Variants in TRA2A observed in about 807,000 individuals in gnomAD.
TRA2A encodes the protein transformer 2 alpha homolog.
TRA2A carries 31 observed loss-of-function variants against 45.7 expected under a neutral mutation model. That is an observed-to-expected ratio of 0.68 (90% confidence interval 0.51 to 0.92). The LOEUF is 0.92. Among genes scored for constraint, TRA2A ranks in the 40% least tolerant of loss-of-function variants. The pLI, the probability that TRA2A is intolerant of heterozygous loss-of-function variation, is 0.00. For synonymous variants in TRA2A, 132 were observed against 126.2 expected (o/e 1.05, Z -0.31); for missense variants, 304 against 367.5 (o/e 0.83, Z 1.41).
chr7:23,510,131 A>T (rs1187137213), intron 4 of TRA2A, among the ~76,000 whole-genome samples: 1 of 152,154 alleles, frequency 6.6e-6, no homozygotes, highest in African/African-American at 2.4e-5. Context: ...TCTCAGCCAT[A>T]CAGAAGAAAC....
intron 2 of TRA2A, among the ~76,000 whole-genome samples, chr7:23,521,068 G>C (rs919707964): frequency 6.6e-6 from 1 of 152,134 alleles, no homozygotes; most frequent in African/African-American, 2.4e-5. Flanking sequence ...TCACTATTGC[G>C]TTTCTGTTAT....
At position 23,513,197 on chromosome 7, in the gene TRA2A, A is replaced by C. The variant is rs1789705764; in HGVS notation, c.337-115T>G. The C allele has an allele frequency of 4.0e-6, 3 of 748,290 alleles. No homozygotes were observed. The South Asian group carries it at 6.9e-5, about 17-fold the overall frequency. The allele number at this position is 748,290 out of a possible 1,614,324, so 46.4% of individuals were successfully genotyped here. A position where few individuals can be genotyped will look rare whatever the true frequency, so the allele number is the denominator to read the frequency against. On this transcript the variant is annotated intron_variant, in intron 3 of 7. Transcript: ENST00000297071. ...ACACAATAAATATATTGTTTCTAAT[A>C]ATTTGGAGATAAGATTTTAAGAGAA...
At chr7:23,506,359 G>A in intron 5 of TRA2A, 93 bp from the exon 6 acceptor site, 1 of 1,365,126 alleles carries the variant, frequency 7.3e-7, no homozygotes, top group East Asian at 2.6e-5. Flanking sequence ...AGAGAAAAGT[G>A]AGGAAGAACA....
chr7:23,506,511 C>A, intron 5 of TRA2A: 1 of 428,894 alleles, frequency 2.3e-6, no homozygotes, highest in East Asian at 3.4e-5. Context: ...TAATGCACTG[C>A]CCAAATTAAA....
At chr7:23,515,034 T>TA (rs1562791969) in intron 3 of TRA2A, among the ~76,000 whole-genome samples, 1 of 152,084 alleles carries the variant, frequency 6.6e-6, no homozygotes, top group East Asian at 1.9e-4. Context: ...TCAATTTTTT[T>TA]TATATATAAC....
At position 23,504,854 on chromosome 7, in the gene TRA2A, T is replaced by TAG. The variant is rs1337721081; in HGVS notation, c.*704_*705insCT. 6.6e-6 allele frequency: 1 copy of TAG among 152,642 alleles called. No individual in the cohort carries two copies. Among genetic ancestry groups the TAG allele is most frequent in the African/African-American group, 2.4e-5 (1 of 41,462 alleles). The allele number at this position is 152,642 out of a possible 1,614,324, so 9.5% of individuals were successfully genotyped here. A position where few individuals can be genotyped will look rare whatever the true frequency, so the allele number is the denominator to read the frequency against. ...CTTTTAAGAATTCTATGCTATGTGA[T>TAG]AACCTGCTTATCCACTGTCCCAATA... On this transcript the variant is annotated 3_prime_UTR_variant, in exon 8 of 8. Transcript: ENST00000297071.
intron 1 of TRA2A, among the ~76,000 whole-genome samples, chr7:23,523,695 C>T (rs1399501323): frequency 6.6e-6 from 1 of 152,176 alleles, no homozygotes; most frequent in East Asian, 1.9e-4. Context: ...TCTTTCACTG[C>T]ATCTCAGATA....
At chr7:23,513,823 A>G (rs571165665) in intron 3 of TRA2A, among the ~76,000 whole-genome samples, 2 of 152,094 alleles carry the variant, frequency 1.3e-5, no homozygotes, top group African/African-American at 4.8e-5. Context: ...TCACATTCTG[A>G]TTTGTCTTGA....
intron 1 of TRA2A, among the ~76,000 whole-genome samples, chr7:23,529,102 T>TATGGA (rs1368036332): frequency 3.3e-5 from 5 of 152,204 alleles, no homozygotes; most frequent in African/African-American, 1.2e-4. Flanking sequence ...CCATTCCCCT[T>TATGGA]AATTTCTATG....
intron 1 of TRA2A, among the ~76,000 whole-genome samples, chr7:23,526,629 G>A (rs1250024367): frequency 6.6e-6 from 1 of 152,128 alleles, no homozygotes; most frequent in African/African-American, 2.4e-5. Context: ...CCTTGAGTAT[G>A]GGAGAATACT....
intron 1 of TRA2A, among the ~76,000 whole-genome samples, chr7:23,526,335 A>G (rs1310687533): frequency 1.3e-5 from 2 of 152,242 alleles, no homozygotes; most frequent in Non-Finnish European, 2.9e-5. Context: ...TAATAGGGCC[A>G]AATTTACTCA....
intron 4 of TRA2A, among the ~76,000 whole-genome samples, chr7:23,512,552 G>A (rs974274594): frequency 3.3e-5 from 5 of 151,910 alleles, no homozygotes; most frequent in African/African-American, 1.2e-4. Context: ...TCTGCCTCCC[G>A]GGTTCGCGCC....
In TRA2A at chr7:23,506,253, C is replaced by A. The variant is rs1356575034; in HGVS notation, c.655G>T (p.Gly219Cys). Residue 219 changes from glycine to cysteine, a missense_variant, in exon 6 of 8, where the codon GGT becomes TGT. Physicochemically the swap from Gly to Cys is radical, Grantham distance 159. Around this residue, in one of 3 missense-constraint regions of TRA2A, gnomAD observed 130 missense variants for 217.1 expected, o/e 0.60. Transcript: ENST00000297071. Reference protein sequence around the residue: ...MGRPTHSGGGGGGGGGGGGGG... With the variant: ...MGRPTHSGGGCGGGGGGGGGG... The stretch of plus-strand genomic sequence containing the variant: ...CCTCCACCGCCGCCGCCTCCTCCAC[C>A]ACCCCCACCACTACTGCAGAAAAAT... 1.2e-6 allele frequency: 2 copies of A among 1,607,544 alleles called. No individual in the cohort carries two copies. Among genetic ancestry groups the A allele is most frequent in the Non-Finnish European group, 1.7e-6 (2 of 1,176,562 alleles).
chr7:23,512,523 A>G (rs1163418006), intron 4 of TRA2A, among the ~76,000 whole-genome samples: 1 of 152,086 alleles, frequency 6.6e-6, no homozygotes, highest in Non-Finnish European at 1.5e-5. Flanking sequence ...CAGTGGCGCA[A>G]TCTCGGCTCA....
chr7:23,505,346 T>C lies in TRA2A; in HGVS notation c.*213A>G, dbSNP rs1052426098. The C allele has an allele frequency of 5.9e-5, 25 of 423,690 alleles. 1 individual carries two copies. In the Admixed American group the frequency reaches 6.2e-4, roughly 10 times the overall value. The allele number at this position is 423,690 out of a possible 1,614,324, so 26.2% of individuals were successfully genotyped here. A position where few individuals can be genotyped will look rare whatever the true frequency, so the allele number is the denominator to read the frequency against. ...GGGTTCTTTTTATACTCAAGATGTT[T>C]AACTGTTCAAAATGACAACAATTAC... is the stretch of plus-strand genomic sequence containing the variant. On this transcript the variant is annotated 3_prime_UTR_variant, in exon 8 of 8. Transcript: ENST00000297071.
At chr7:23,515,720 A>G (rs1789835962) in intron 3 of TRA2A, among the ~76,000 whole-genome samples, 1 of 150,680 alleles carries the variant, frequency 6.6e-6, no homozygotes, top group South Asian at 2.1e-4. Context: ...TAATTTTTGT[A>G]TTTTTAGCAG....
intron 1 of TRA2A, among the ~76,000 whole-genome samples, chr7:23,527,593 C>G (rs10499565): frequency 0.66 from 100,879 of 152,188 alleles, 34,774 homozygotes; most frequent in African/African-American, 0.86. Flanking sequence ...TTTCACACTT[C>G]TTATAATACA....
rs759722353 is a variant in TRA2A, at chr7:23,531,796, T to C, written c.29A>G (p.Glu10Gly). Residue 10 changes from glutamate (E) to glycine (G), a missense_variant, in exon 1 of 8, where the codon GAG (glutamate) becomes GGG (glycine). By Grantham distance (98) the Glu-to-Gly change is moderately conservative. This residue lies in a region of TRA2A where 132 missense variants were observed against 113.4 expected (regional missense o/e 1.16). Coordinates refer to ENST00000297071, the MANE Select transcript of TRA2A (RefSeq NM_013293.5). ...CCGCGGCTTTGTACTCACTCTGCCC[T>C]CGAAGTTGTTTTCCTCCACATCACT... is the stretch of plus-strand genomic sequence containing the variant. The part of the protein sequence containing the change: MSDVEENNF[E>G]GRESRSQSKS... 2 of 1,613,688 alleles carry C rather than the reference T, an allele frequency of 1.2e-6. No individual in the cohort carries two copies. The highest frequency in any genetic ancestry group is 2.2e-5 in the South Asian group (2 of 91,084).
chr7:23,531,283 G>C, intron 1 of TRA2A: 1 of 989,972 alleles, frequency 1.0e-6, no homozygotes, highest in Non-Finnish European at 1.2e-6. Context: ...GAAATAGAGA[G>C]CCAAGGAGAC....
Sources: gnomAD v4.1 joint callset for allele counts (sites outside exome capture counted in the v4.1 genomes callset) on GRCh38, gnomAD v4.1.1 for gene constraint, gnomAD v4.1.1 regional missense constraint, MANE v1.5 for transcripts, NCBI Gene and HGNC (gene_info 2026-07-23, HGNC 2026-07-21) for gene names.